The following SPATA31H1 variants were observed in gnomAD, a reference collection of about 807,000 sequenced individuals.
SPATA31H1 encodes SPATA31 subfamily H member 1.
the SPATA31H1 span, chr2:27,577,137 G>T: frequency 6.2e-7 from 1 of 1,614,112 alleles, no homozygotes; most frequent in Non-Finnish European, 8.5e-7. The surrounding 1 kb of genome is among the most constrained non-coding windows in gnomAD (Gnocchi z 4.5). Context: ...AACAGGTAGA[G>T]CTAAGGAATC....
chr2:27,578,099 T>G, the SPATA31H1 span: 1 of 1,614,082 alleles, frequency 6.2e-7, no homozygotes, highest in Non-Finnish European at 8.5e-7. Context: ...TCCCAAAAGT[T>G]GTTCAATCTG....
At chr2:27,567,457 T>TTAA in the SPATA31H1 span, 1 of 427,070 alleles carries the variant, frequency 2.3e-6, no homozygotes, top group South Asian at 9.0e-5. Context: ...GAGCAAAATA[T>TTAA]CAACAACAAA....
At chr2:27,542,532 A>C in the SPATA31H1 span, among the ~76,000 whole-genome samples, 48 of 152,194 alleles carry the variant, frequency 3.2e-4, 1 homozygote, top group African/African-American at 1.1e-3. Flanking sequence ...CAGATATAGA[A>C]TATTTGATAT....
the SPATA31H1 span, among the ~76,000 whole-genome samples, chr2:27,565,184 G>A: frequency 1.4e-4 from 21 of 152,054 alleles, 1 homozygote; most frequent in South Asian, 4.0e-3. Flanking sequence ...TGTTTGTTAC[G>A]GCATTTACAT....
chr2:27,576,681 T>C, the SPATA31H1 span: 3 of 1,614,048 alleles, frequency 1.9e-6, no homozygotes, highest in Non-Finnish European at 2.5e-6. Flanking sequence ...AACTAGGAAG[T>C]TCCCATCAGG....
the SPATA31H1 span, chr2:27,577,203 C>T: frequency 2.5e-6 from 4 of 1,613,908 alleles, no homozygotes; most frequent in Non-Finnish European, 3.4e-6. The surrounding 1 kb of genome is among the most constrained non-coding windows in gnomAD (Gnocchi z 4.5). Context: ...TGATCTGACT[C>T]CAATGGTAAG....
chr2:27,575,607 G>C, the SPATA31H1 span: 2 of 398,460 alleles, frequency 5.0e-6, no homozygotes, highest in Admixed American at 8.8e-5. This position sits in a 1 kb window ranked among gnomAD's most constrained non-coding sequence, Gnocchi z 4.1. Flanking sequence ...GTTCTGCCTT[G>C]GACCACATTT....
At chr2:27,563,477 C>G in the SPATA31H1 span, among the ~76,000 whole-genome samples, 2 of 140,014 alleles carry the variant, frequency 1.4e-5, no homozygotes, top group Non-Finnish European at 3.0e-5. Flanking sequence ...CTCACTGCAG[C>G]CTTGACCTCC....
At chr2:27,564,375 TAACCC>T in the SPATA31H1 span, among the ~76,000 whole-genome samples, 1 of 152,188 alleles carries the variant, frequency 6.6e-6, no homozygotes, top group Non-Finnish European at 1.5e-5. Flanking sequence ...ACCTTGTTGT[TAACCC>T]AAATCCCTTC....
chr2:27,580,754 A>C, the SPATA31H1 span: 1 of 1,614,182 alleles, frequency 6.2e-7, no homozygotes, highest in Non-Finnish European at 8.5e-7. Flanking sequence ...ATCCAAAACA[A>C]AATGCCAGGG....
chr2:27,577,970 A>G, the SPATA31H1 span: 4 of 1,614,166 alleles, frequency 2.5e-6, no homozygotes, highest in Non-Finnish European at 3.4e-6. This position sits in a 1 kb window ranked among gnomAD's most constrained non-coding sequence, Gnocchi z 4.5. Context: ...CAACCCCAGG[A>G]CCACTGGGTC....
the SPATA31H1 span, chr2:27,578,819 A>T: frequency 6.2e-7 from 1 of 1,614,066 alleles, no homozygotes; most frequent in African/African-American, 1.3e-5. Context: ...CAGCATCTGA[A>T]TTAGGAGGAC....
At chr2:27,574,502 A>G in the SPATA31H1 span, 327 of 398,540 alleles carry the variant, frequency 8.2e-4, 3 homozygotes, top group Admixed American at 2.9e-3. Flanking sequence ...TAAAGCTTCA[A>G]GATGTAAAAT....
At chr2:27,560,795 C>A in the SPATA31H1 span, among the ~76,000 whole-genome samples, 11 of 152,116 alleles carry the variant, frequency 7.2e-5, no homozygotes, top group African/African-American at 2.7e-4. Context: ...GACTCTGGCA[C>A]CATCAATCAG....
chr2:27,557,808 C>T, the SPATA31H1 span, among the ~76,000 whole-genome samples: 4 of 49,562 alleles, frequency 8.1e-5, no homozygotes, highest in South Asian at 8.1e-4. Flanking sequence ...GCTGGCCAGG[C>T]GGGGGGCTGA....
At chr2:27,580,411 C>G in the SPATA31H1 span, 20 of 1,613,808 alleles carry the variant, frequency 1.2e-5, 1 homozygote, top group Non-Finnish European at 1.4e-5. Context: ...AAAGTGAGAA[C>G]CAAAAAGACC....
chr2:27,554,947 AG>A, the SPATA31H1 span, among the ~76,000 whole-genome samples: 1 of 152,006 alleles, frequency 6.6e-6, no homozygotes, highest in South Asian at 2.1e-4. Context: ...CACTTCCCAA[AG>A]GCCTCATCTA....
At chr2:27,573,052 T>C in the SPATA31H1 span, 6 of 397,788 alleles carry the variant, frequency 1.5e-5, no homozygotes, top group East Asian at 7.1e-5. Context: ...GTAAAAACTG[T>C]AGGGTTGAAT....
the SPATA31H1 span, among the ~76,000 whole-genome samples, chr2:27,553,447 C>A: frequency 6.6e-6 from 1 of 152,060 alleles, no homozygotes; most frequent in African/African-American, 2.4e-5. Context: ...CAAAGGGTCA[C>A]TTGGTCACAC....
Sources: allele counts gnomAD v4.1 joint callset (sites outside exome capture counted in the v4.1 genomes callset), GRCh38; gene constraint gnomAD v4.1.1; non-coding constraint Gnocchi (gnomAD v3.1); transcripts MANE v1.5; gene names NCBI Gene and HGNC (gene_info 2026-07-23, HGNC 2026-07-21).